KDM5B: variants seen among roughly 807,000 people sequenced by gnomAD.
KDM5B encodes lysine-specific demethylase 5B.
A neutral mutation model predicts 193.4 loss-of-function variants in KDM5B; 144 were observed. That is an observed-to-expected ratio of 0.74 (90% CI 0.65 to 0.86). The LOEUF (loss-of-function observed/expected upper bound fraction) is 0.86, where lower values mean the gene tolerates loss of function less well. Ranked by LOEUF, KDM5B falls within the 40% of genes least tolerant of loss-of-function variation. The probability of loss-of-function intolerance (pLI) is 0.00; values close to 1 mark genes in which losing one functional copy is unlikely to be tolerated. For synonymous variants in KDM5B, 668 were observed against 682.6 expected, an observed-to-expected ratio of 0.98 and a Z score of 0.33; for missense variants, 1,833 against 1,886.9, an observed-to-expected ratio of 0.97 and a Z score of 0.53.
intron 12 of KDM5B, 97 bp downstream of exon 12, chr1:202,752,808 C>T (rs1655844037): frequency 8.3e-7 from 1 of 1,198,874 alleles, no homozygotes; most frequent in African/African-American, 1.5e-5. Context: ...CTATGGAAAA[C>T]ACAGAACTAA....
Position 202,733,708 on chromosome 1 carries a change from G to A in KDM5B, c.3602C>T (p.Thr1201Ile). ...QCELCRDAFH[T>I]SCVAVPSISQ... is the part of the protein sequence containing the mutation. Reference sequence around the variant, plus strand: ...AATACTGGGTACCGCCACACAACTGGTGTGGAAAGCATCCCTGCAGAGTTC... The same window carrying A: ...AATACTGGGTACCGCCACACAACTGATGTGGAAAGCATCCCTGCAGAGTTC... The change falls in exon 23 of 27, where the codon ACC becomes ATC. Residue 1201 changes from threonine (T) to isoleucine (I), a missense_variant. Coordinates refer to ENST00000367265, the MANE Select transcript of KDM5B (RefSeq NM_006618.5). 1 of 1,614,148 alleles carries A rather than the reference G, an allele frequency of 6.2e-7. No homozygotes were observed. The highest frequency in any genetic ancestry group is 8.5e-7 in the Non-Finnish European group (1 of 1,180,018).
At position 202,765,008 on chromosome 1, in the gene KDM5B, C is replaced by T. The variant is rs141722487; in HGVS notation, c.712-863G>A. 6.0e-3 allele frequency among the ~76,000 whole-genome samples: 919 copies of T among 152,252 alleles called. 11 individuals carry two copies. The highest frequency in any genetic ancestry group is 0.021 in the African/African-American group (880 of 41,542). On this transcript the variant is annotated intron_variant, in intron 5 of 26. Transcript: ENST00000367265. ...AAAGAGAAGTGTTTCTATTCAAATTCGGAAGAACAATTCTTATTTTCCTCC... is the reference window on the plus strand; with the variant it reads ...AAAGAGAAGTGTTTCTATTCAAATTTGGAAGAACAATTCTTATTTTCCTCC...
In KDM5B at chr1:202,724,868, G is replaced by A. The variant is rs1308992856; in HGVS notation, c.*4168C>T. The A allele has an allele frequency of 6.6e-6, 1 of 152,168 alleles. No individual in the cohort carries two copies. The highest frequency in any genetic ancestry group is 6.5e-5 in the Admixed American group (1 of 15,286). The allele number at this position is 152,168 out of a possible 1,614,324, so 9.4% of individuals were successfully genotyped here. A position where few individuals can be genotyped will look rare whatever the true frequency, so the allele number is the denominator to read the frequency against. ...ACTTCTAGCTAGGTAAGTTTGCCAG[G>A]AGCTAAAAGTTTTGGTGTTTAGAGG... On this transcript the variant is annotated 3_prime_UTR_variant, in exon 27 of 27. Transcript: ENST00000367265.
chr1:202,745,752 A>T, intron 16 of KDM5B, 106 bp downstream of exon 16: 1 of 1,309,104 alleles, frequency 7.6e-7, no homozygotes, highest in Non-Finnish European at 1.1e-6. Context: ...GGGCTAACCA[A>T]GGATGAGGTC....
rs767990846 is a variant in KDM5B, at chr1:202,746,892, G to A, written c.2017-569C>T. On this transcript the variant is annotated intron_variant, in intron 14 of 26. Transcript: ENST00000367265. ...AATTTGTGCAATAGCAAAGACTAAA[G>A]TCATAATTAAACATTTCCTCCTAAA... Among the ~76,000 whole-genome samples, 57 of 152,268 alleles carry A rather than the reference G, an allele frequency of 3.7e-4. 1 individual carries two copies. The highest frequency in any genetic ancestry group is 1.4e-3 in the Admixed American group (22 of 15,298).
intron 21 of KDM5B, among the ~76,000 whole-genome samples, chr1:202,736,001 T>A (rs556863392): frequency 1.6e-4 from 25 of 152,206 alleles, no homozygotes; most frequent in East Asian, 5.8e-4. Flanking sequence ...TAGGAAAAAA[T>A]TTTCTTCTTT....
At chr1:202,742,282 T>C in intron 18 of KDM5B, 109 bp downstream of exon 18, 2 of 739,964 alleles carry the variant, frequency 2.7e-6, no homozygotes, top group Non-Finnish European at 4.5e-6. Flanking sequence ...CATCTGCAAA[T>C]AAATGTACAT....
chr1:202,756,581 G>GT, intron 9 of KDM5B, 65 bp from the exon 10 acceptor site: 1 of 1,266,274 alleles, frequency 7.9e-7, no homozygotes. Context: ...ATTAAGCTCA[G>GT]TGATGGGAAT....
Position 202,741,522 on chromosome 1 carries a change from G to A in KDM5B, c.2790C>T (p.Pro930=). The A allele has an allele frequency of 6.2e-7, 1 of 1,614,210 alleles. No individual in the cohort carries two copies. Among genetic ancestry groups the A allele is most frequent in the Non-Finnish European group, 8.5e-7 (1 of 1,180,030 alleles). The part of the protein sequence containing the change: ...LEEVQQACLD[P]SSLTLDDMRR... ...TCATATCATCTAAAGTAAGGGAGCTGGGGTCTAGGCAAGCTTGCTGCACCT... is the reference window on the plus strand; with the variant it reads ...TCATATCATCTAAAGTAAGGGAGCTAGGGTCTAGGCAAGCTTGCTGCACCT... The change falls in exon 19 of 27, where the codon CCC becomes CCT. Residue 930 remains proline, a synonymous_variant. Coordinates refer to ENST00000367265, the MANE Select transcript of KDM5B (RefSeq NM_006618.5).
intron 2 of KDM5B, among the ~76,000 whole-genome samples, chr1:202,774,984 G>A (rs1656879213): frequency 6.6e-6 from 1 of 152,136 alleles, no homozygotes; most frequent in African/African-American, 2.4e-5. Flanking sequence ...GCTCACGTCT[G>A]TAATCCCAGC....
rs1001793775 is a variant in KDM5B, at chr1:202,725,525, C to T, written c.*3511G>A. On this transcript the variant is annotated 3_prime_UTR_variant, in exon 27 of 27. Transcript: ENST00000367265. ...GGGCGAAGCCATCACACTGCTGCTT[C>T]ATAGTCACTAGGAGTTGAGGGACCC... 2.0e-5 allele frequency: 3 copies of T among 152,242 alleles called. No homozygotes were observed. The East Asian group carries it at 5.8e-4, about 29-fold the overall frequency. 9.4% of individuals were successfully genotyped at this position (152,242 alleles called of 1,614,324 possible).
At chr1:202,763,634 C>G (rs1275747268) in intron 6 of KDM5B, among the ~76,000 whole-genome samples, 1 of 152,204 alleles carries the variant, frequency 6.6e-6, no homozygotes, top group Non-Finnish European at 1.5e-5. Context: ...GATACCCAGG[C>G]AAGCAATTAA....
intron 7 of KDM5B, among the ~76,000 whole-genome samples, chr1:202,761,431 T>A (rs1656246060): frequency 6.6e-6 from 1 of 152,122 alleles, no homozygotes; most frequent in Non-Finnish European, 1.5e-5. Flanking sequence ...TCTAAAAAAA[T>A]AAAAATAAAC....
At position 202,769,965 on chromosome 1, in the gene KDM5B, G is replaced by A. The variant is rs147527532; in HGVS notation, c.577-2905C>T. On this transcript the variant is annotated intron_variant, in intron 4 of 26. Transcript: ENST00000367265. ...AGCTGAATGACATAAATTGTATTAA[G>A]TGGATGATCACAAATTCAGATGCTA... is the stretch of plus-strand genomic sequence containing the variant. Among the ~76,000 whole-genome samples, 39 of 152,276 alleles carry A rather than the reference G, an allele frequency of 2.6e-4. No individual in the cohort carries two copies. The East Asian group carries it at 6.2e-3, about 24-fold the overall frequency.
At chr1:202,801,525 G>A (rs1658073153) in intron 1 of KDM5B, among the ~76,000 whole-genome samples, 1 of 152,102 alleles carries the variant, frequency 6.6e-6, no homozygotes, top group African/African-American at 2.4e-5. Flanking sequence ...CATAAACTTG[G>A]TTGTAAAAAG....
At chr1:202,784,585 C>T (rs1326423386) in intron 1 of KDM5B, among the ~76,000 whole-genome samples, 1 of 152,138 alleles carries the variant, frequency 6.6e-6, no homozygotes, top group African/African-American at 2.4e-5. Flanking sequence ...AAAACACCTG[C>T]ACAAATGCAA....
chr1:202,803,143 AGAGT>A (rs1658143898), intron 1 of KDM5B, among the ~76,000 whole-genome samples: 1 of 152,170 alleles, frequency 6.6e-6, no homozygotes, highest in Non-Finnish European at 1.5e-5. Context: ...CCTGGATGAC[AGAGT>A]GAGATTAAAA....
At chr1:202,787,144 G>A (rs1657446269) in intron 1 of KDM5B, among the ~76,000 whole-genome samples, 1 of 152,074 alleles carries the variant, frequency 6.6e-6, no homozygotes, top group Admixed American at 6.6e-5. Context: ...AGTCTCCCAA[G>A]TATACATGCA....
intron 24 of KDM5B, among the ~76,000 whole-genome samples, chr1:202,731,469 G>A (rs1214509685): frequency 6.6e-6 from 1 of 152,302 alleles, no homozygotes; most frequent in Non-Finnish European, 1.5e-5. Context: ...CTATGACTAA[G>A]GATCAGGACT....
Sources: allele counts gnomAD v4.1 joint callset (sites outside exome capture counted in the v4.1 genomes callset), GRCh38; gene constraint gnomAD v4.1.1; transcripts MANE v1.5; gene names NCBI Gene and HGNC (gene_info 2026-07-23, HGNC 2026-07-21).